The following HERC1 variants were observed in gnomAD, a reference collection of about 807,000 sequenced individuals.
HERC1 encodes the protein HECT and RLD domain containing E3 ubiquitin protein ligase family member 1, also known as probable E3 ubiquitin-protein ligase HERC1.
In HERC1, 160 loss-of-function variants were observed where a neutral mutation model predicts 554.3. The ratio of observed to expected loss-of-function variants is 0.29; its 90% CI spans 0.25 to 0.33. HERC1 has a LOEUF of 0.33. Among genes scored for constraint, HERC1 ranks in the 10% least tolerant of loss-of-function variants. The probability of loss-of-function intolerance (pLI) is 1.00; values close to 1 mark genes in which losing one functional copy is unlikely to be tolerated. For synonymous variants in HERC1, 2,175 were observed against 2,131.7 expected (o/e 1.02, Z -0.56); for missense variants, 4,919 against 5,918.5 (o/e 0.83, Z 5.54).
intron 12 of HERC1, among the ~76,000 whole-genome samples, chr15:63,741,217 C>T (rs924470028): frequency 2.0e-5 from 3 of 151,720 alleles, no homozygotes; most frequent in Admixed American, 1.3e-4. Flanking sequence ...TTAGTAGAGA[C>T]GGGGTTTCAC....
At position 63,655,953 on chromosome 15, in the gene HERC1, G is replaced by A; in HGVS notation, c.9873C>T (p.Asn3291=). The A allele has an allele frequency of 6.2e-7, 1 of 1,609,968 alleles. No individual in the cohort carries two copies. Among genetic ancestry groups the A allele is most frequent in the South Asian group, 1.1e-5 (1 of 90,430 alleles). ...AKLLVQLCTQ[N]LISAATGVNL... ...TTACACCTGTTGCAGCAGAAATCAAGTTCTGAAGAAGCAATTGGAAAAACA... is the reference window on the plus strand; with the variant it reads ...TTACACCTGTTGCAGCAGAAATCAAATTCTGAAGAAGCAATTGGAAAAACA... Residue 3291 remains asparagine, a splice_region_variant and synonymous_variant, in exon 50 of 78, where the codon AAC becomes AAT. Transcript: ENST00000443617.
intron 69 of HERC1, among the ~76,000 whole-genome samples, chr15:63,629,609 C>T (rs1218177878): frequency 3.3e-5 from 5 of 152,202 alleles, no homozygotes; most frequent in East Asian, 1.9e-4. Flanking sequence ...GATCACGTCA[C>T]GGCACTGCCA....
intron 39 of HERC1, among the ~76,000 whole-genome samples, chr15:63,670,652 C>T (rs2070864124): frequency 6.6e-6 from 1 of 152,104 alleles, no homozygotes; most frequent in South Asian, 2.1e-4. Flanking sequence ...CACTGAATCC[C>T]ATGCCCACAC....
chr15:63,781,839 C>T (rs1361405178), intron 1 of HERC1, among the ~76,000 whole-genome samples: 1 of 152,196 alleles, frequency 6.6e-6, no homozygotes, highest in Non-Finnish European at 1.5e-5. Context: ...CCAATGAATA[C>T]ATAAATGATA....
In HERC1 at chr15:63,623,860, T is replaced by C; in HGVS notation, c.13476A>G (p.Gln4492=). 6.2e-7 allele frequency: 1 copy of C among 1,613,968 alleles called. No individual in the cohort carries two copies. Among genetic ancestry groups the C allele is most frequent in the Non-Finnish European group, 8.5e-7 (1 of 1,179,882 alleles). ...RGRKCKPIFV[Q]IARQVVKLNA... ...TCAGCTTAACTACTTGTCTCGCTAT[T>C]TGGACAAAAATAGGCTTACACTTCC... Residue 4492 remains glutamine (Q), a synonymous_variant, in exon 73 of 78, where the codon CAA becomes CAG. Coordinates refer to ENST00000443617, the MANE Select transcript of HERC1 (RefSeq NM_003922.4).
chr15:63,733,973 G>A (rs2074399971), intron 13 of HERC1, among the ~76,000 whole-genome samples: 1 of 152,054 alleles, frequency 6.6e-6, no homozygotes, highest in Non-Finnish European at 1.5e-5. Flanking sequence ...GAACAGCCTG[G>A]GAAATACAGC....
chr15:63,753,165 A>C, intron 7 of HERC1, 80 bp from the exon 8 acceptor site: 1 of 1,038,158 alleles, frequency 9.6e-7, no homozygotes, highest in Non-Finnish European at 1.3e-6. Context: ...GTTGATAAGG[A>C]GCTCTAATGT....
rs1398765973 is a variant in HERC1 at position 63,654,635 on chromosome 15, C to T, written c.10085-311G>A. 4.0e-5 allele frequency among the ~76,000 whole-genome samples: 6 copies of T among 151,178 alleles called. 1 individual carries two copies. Among genetic ancestry groups the T allele is most frequent in the African/African-American group, 1.5e-4 (6 of 41,184 alleles). ...TGGGAGGCCAAGGTGGGAGGATCAC[C>T]TGAGGTCAGGAGTTCGAGACCAGCC... On this transcript the variant is annotated intron_variant, in intron 50 of 77. Coordinates refer to ENST00000443617, the MANE Select transcript of HERC1 (RefSeq NM_003922.4).
chr15:63,680,222 TC>T lies in HERC1; in HGVS notation c.6466-63del. On this transcript the variant is annotated intron_variant, in intron 35 of 77. Coordinates refer to ENST00000443617, the MANE Select transcript of HERC1 (RefSeq NM_003922.4). The surrounding 1 kb of genome is among the most constrained non-coding windows in gnomAD (Gnocchi z 5.8). Reference sequence around the variant, plus strand: ...ATAGAAATTTTTTTAATTCACAATATCTAACCACATTAGAATTGAAAGCTTT... The same window carrying T: ...ATAGAAATTTTTTTAATTCACAATATTAACCACATTAGAATTGAAAGCTTT... 8.2e-7 allele frequency: 1 copy of T among 1,222,536 alleles called. No homozygotes were observed. The highest frequency in any genetic ancestry group is 1.9e-5 in the Admixed American group (1 of 53,028). The allele number at this position is 1,222,536 out of a possible 1,614,324, so 75.7% of individuals were successfully genotyped here.
chr15:63,649,150 C>G (rs902565390), intron 54 of HERC1, among the ~76,000 whole-genome samples: 15 of 152,228 alleles, frequency 9.9e-5, no homozygotes, highest in East Asian at 3.9e-4. Context: ...GTGAGGAGAT[C>G]GAGACCATCC....
rs2069998059 is a variant in HERC1 at position 63,655,741 on chromosome 15, C to A, written c.10084+1G>T. 1 of 1,546,718 alleles carries A rather than the reference C, an allele frequency of 6.5e-7. No homozygotes were observed. The highest frequency in any genetic ancestry group is 2.4e-5 in the East Asian group (1 of 41,128). On this transcript the variant is annotated splice_donor_variant, in intron 50 of 77. Transcript: ENST00000443617. LOFTEE classifies it high-confidence loss of function. ...GTATGTTTCAGTAGTATGAAACTTACCTTTCTTTTCAACTTCTGACTTATC... is the reference window on the plus strand; with the variant it reads ...GTATGTTTCAGTAGTATGAAACTTAACTTTCTTTTCAACTTCTGACTTATC...
At chr15:63,829,561 G>GTGTA (rs1220043639) in intron 1 of HERC1, among the ~76,000 whole-genome samples, 40 of 81,730 alleles carry the variant, frequency 4.9e-4, no homozygotes, top group South Asian at 2.3e-3. Flanking sequence ...GTGTGTGTGT[G>GTGTA]TATATATATA....
intron 1 of HERC1, among the ~76,000 whole-genome samples, chr15:63,784,981 C>T (rs1211951657): frequency 6.6e-6 from 1 of 152,136 alleles, no homozygotes; most frequent in Non-Finnish European, 1.5e-5. Context: ...TTTTTGGAAA[C>T]TAAGTTTCTC....
At chr15:63,725,565 C>T in intron 17 of HERC1, 52 bp from the exon 18 acceptor site, 1 of 1,437,608 alleles carries the variant, frequency 7.0e-7, no homozygotes, top group Non-Finnish European at 9.7e-7. Context: ...TTTTAAGATT[C>T]AAAATATTTC....
intron 3 of HERC1, among the ~76,000 whole-genome samples, chr15:63,763,370 A>C (rs1228019153): frequency 2.6e-5 from 4 of 152,202 alleles, no homozygotes; most frequent in Non-Finnish European, 5.9e-5. Flanking sequence ...AACACCTGAG[A>C]CTGATCAAGC....
chr15:63,624,350 C>T, intron 71 of HERC1, 23 bp from the exon 72 acceptor site: 2 of 1,560,244 alleles, frequency 1.3e-6, no homozygotes, highest in Non-Finnish European at 8.7e-7. Context: ...GTACGGTTAT[C>T]AGAAATGGTA....
At position 63,758,126 on chromosome 15, in the gene HERC1, A is replaced by G. The variant is rs749144826; in HGVS notation, c.1221+49T>C. The G allele has an allele frequency of 1.5e-6, 2 of 1,302,260 alleles. No homozygotes were observed. The highest frequency in any genetic ancestry group is 2.2e-6 in the Non-Finnish European group (2 of 922,718). The allele number at this position is 1,302,260 out of a possible 1,614,324, so 80.7% of individuals were successfully genotyped here. ...GTATTATTTAATGCAAATAAGCATG[A>G]ATATACACCAGATTATCTACCAGTT... On this transcript the variant is annotated intron_variant, in intron 4 of 77. Transcript: ENST00000443617. This position sits in a 1 kb window ranked among gnomAD's most constrained non-coding sequence, Gnocchi z 4.0.
chr15:63,790,434 G>A (rs545772092), intron 1 of HERC1, among the ~76,000 whole-genome samples: 10 of 152,148 alleles, frequency 6.6e-5, no homozygotes, highest in Admixed American at 2.0e-4. Context: ...AAAATTAGCC[G>A]GGGGTAGTGG....
At chr15:63,771,545 C>T (rs555603337) in intron 2 of HERC1, among the ~76,000 whole-genome samples, 1 of 151,942 alleles carries the variant, frequency 6.6e-6, no homozygotes, top group Non-Finnish European at 1.5e-5. Flanking sequence ...ATTCTCCCTG[C>T]CTCAGCCTCC....
Sources: gnomAD v4.1 joint callset for allele counts (sites outside exome capture counted in the v4.1 genomes callset) on GRCh38, gnomAD v4.1.1 for gene constraint, Gnocchi (gnomAD v3.1) non-coding constraint, MANE v1.5 for transcripts, NCBI Gene and HGNC (gene_info 2026-07-23, HGNC 2026-07-21) for gene names.